Variants in RPGRIP1L observed in about 807,000 individuals in gnomAD.
The protein encoded by RPGRIP1L is RPGRIP1 like.
RPGRIP1L carries 131 observed loss-of-function variants against 160.4 expected under a neutral mutation model. The observed-to-expected ratio is 0.82, with a 90% confidence interval of 0.71 to 0.94. The LOEUF (loss-of-function observed/expected upper bound fraction) is 0.94, where lower values mean the gene tolerates loss of function less well. Ranked by LOEUF, RPGRIP1L falls within the 40% of genes least tolerant of loss-of-function variation. RPGRIP1L has a pLI of 0.00. For synonymous variants in RPGRIP1L, 510 were observed against 515.8 expected (o/e 0.99, Z 0.15); for missense variants, 1,522 against 1,535.8 (o/e 0.99, Z 0.15).
intron 6 of RPGRIP1L, among the ~76,000 whole-genome samples, chr16:53,679,319 ATCT>A (rs1228187518): frequency 2.6e-5 from 4 of 152,292 alleles, no homozygotes; most frequent in Admixed American, 2.0e-4. Flanking sequence ...ATCCTGGCTC[ATCT>A]TCTTATAGGG....
At chr16:53,639,102 T>A (rs1009320129) in intron 19 of RPGRIP1L, among the ~76,000 whole-genome samples, 1 of 152,010 alleles carries the variant, frequency 6.6e-6, no homozygotes, top group South Asian at 2.1e-4. Flanking sequence ...ATCTTTTTAT[T>A]TCATCAAATA....
chr16:53,632,234 C>T (rs983518958), intron 22 of RPGRIP1L, among the ~76,000 whole-genome samples: 2 of 152,166 alleles, frequency 1.3e-5, no homozygotes, highest in Non-Finnish European at 2.9e-5. Flanking sequence ...ATTGCTTACA[C>T]AGTATATCAG....
chr16:53,701,314 C>G (rs1383316317), intron 1 of RPGRIP1L, among the ~76,000 whole-genome samples: 1 of 151,842 alleles, frequency 6.6e-6, no homozygotes, highest in Non-Finnish European at 1.5e-5. Context: ...AAAGAGGTTT[C>G]GTTGCATAAA....
At position 53,602,203 on chromosome 16, in the gene RPGRIP1L, GC is replaced by G; in HGVS notation, c.3836-16del. ...TGCATCAAAAACTAGGGAGAAAAGA[GC>G]AGGAAAGTGTTAATATCATTCAACA... On this transcript the variant is annotated splice_polypyrimidine_tract_variant and intron_variant, in intron 26 of 26. Transcript: ENST00000647211. 1 of 1,545,340 alleles carries G rather than the reference GC, an allele frequency of 6.5e-7. No homozygotes were observed.
chr16:53,695,313 A>G, intron 3 of RPGRIP1L: 1 of 694,566 alleles, frequency 1.4e-6, no homozygotes. Context: ...AACCCAACTC[A>G]AAGTAAAAGG....
intron 14 of RPGRIP1L, chr16:53,653,413 G>T: frequency 2.3e-6 from 2 of 884,126 alleles, no homozygotes; most frequent in Non-Finnish European, 2.7e-6. Flanking sequence ...TCTTCGTGGG[G>T]TGATGGATAA....
chr16:53,650,574 A>C (rs1191763891), intron 15 of RPGRIP1L, among the ~76,000 whole-genome samples: 7 of 152,086 alleles, frequency 4.6e-5, no homozygotes, highest in Non-Finnish European at 1.0e-4. Flanking sequence ...AAAACACCCC[A>C]AACAAACAAA....
rs185398313 is a variant in RPGRIP1L, at chr16:53,697,317, C to A, written c.86-1022G>T. Among the ~76,000 whole-genome samples the A allele has an allele frequency of 6.9e-3, 724 of 104,488 alleles. 6 individuals carry two copies. Among genetic ancestry groups the A allele is most frequent in the Non-Finnish European group, 0.011 (533 of 46,368 alleles). The allele number at this position is 104,488 out of a possible 152,430, so 68.5% of individuals were successfully genotyped here. A position where few individuals can be genotyped will look rare whatever the true frequency, so the allele number is the denominator to read the frequency against. ...ACATATGAAAAGTTTATCAATCTCC[C>A]TCTCCCTCTCCCTCTCCCTCTCCCC... On this transcript the variant is annotated intron_variant, in intron 2 of 26. Transcript: ENST00000647211.
At chr16:53,702,458 A>G (rs1598437348) in intron 1 of RPGRIP1L, among the ~76,000 whole-genome samples, 2 of 152,182 alleles carry the variant, frequency 1.3e-5, no homozygotes, top group Non-Finnish European at 1.5e-5. Flanking sequence ...CAATGCTGCA[A>G]TGCCTCTCCA....
chr16:53,679,734 G>C (rs1288929386), intron 6 of RPGRIP1L, among the ~76,000 whole-genome samples: 1 of 152,208 alleles, frequency 6.6e-6, no homozygotes, highest in African/African-American at 2.4e-5. Flanking sequence ...AGCAGAAGGA[G>C]GGATTGGCAT....
intron 15 of RPGRIP1L, 46 bp downstream of exon 15, chr16:53,652,489 A>G (rs1173763804): frequency 6.8e-7 from 1 of 1,464,600 alleles, no homozygotes. Context: ...CGATATATAA[A>G]CCAAATTAGT....
intron 6 of RPGRIP1L, among the ~76,000 whole-genome samples, chr16:53,676,396 A>G (rs983522824): frequency 6.7e-6 from 1 of 148,208 alleles, no homozygotes; most frequent in Non-Finnish European, 1.5e-5. Flanking sequence ...AAATACATAT[A>G]TATATAATAT....
chr16:53,667,698 C>T (rs999277720), intron 9 of RPGRIP1L, among the ~76,000 whole-genome samples: 2 of 152,038 alleles, frequency 1.3e-5, no homozygotes, highest in African/African-American at 2.4e-5. Flanking sequence ...CATGGGGAAA[C>T]CCCACCTCTA....
chr16:53,648,650 A>ACACACT, intron 16 of RPGRIP1L, among the ~76,000 whole-genome samples: 1 of 152,028 alleles, frequency 6.6e-6, no homozygotes, highest in Non-Finnish European at 1.5e-5. Context: ...ACACACACAC[A>ACACACT]CACACACAAA....
chr16:53,602,840 A>C (rs1471254847), intron 26 of RPGRIP1L, among the ~76,000 whole-genome samples: 4 of 152,156 alleles, frequency 2.6e-5, no homozygotes, highest in African/African-American at 9.7e-5. Context: ...ATGATAATCT[A>C]TACAGTGTTT....
Position 53,670,794 on chromosome 16 carries a change from T to C in RPGRIP1L, c.1103+716A>G, listed in dbSNP as rs112510778. On this transcript the variant is annotated intron_variant, in intron 9 of 26. Transcript: ENST00000647211. ...GGTTCAAACACAAGCTCTATTACTTTATACATTTAAAAGGTATGGGCTGGG... is the reference window on the plus strand; with the variant it reads ...GGTTCAAACACAAGCTCTATTACTTCATACATTTAAAAGGTATGGGCTGGG... Among the ~76,000 whole-genome samples, 22 of 152,268 alleles carry C rather than the reference T, an allele frequency of 1.4e-4. 1 individual carries two copies. Among genetic ancestry groups the C allele is most frequent in the Admixed American group, 5.2e-4 (8 of 15,280 alleles).
At chr16:53,650,735 C>T (rs751758689) in intron 15 of RPGRIP1L, among the ~76,000 whole-genome samples, 2 of 152,042 alleles carry the variant, frequency 1.3e-5, no homozygotes, top group Non-Finnish European at 2.9e-5. Flanking sequence ...AAATAAAATC[C>T]GTCCTGAGAC....
In RPGRIP1L at chr16:53,645,847, C is replaced by T. The variant is rs377377380; in HGVS notation, c.2461G>A (p.Asp821Asn). ...ATAGCTGTATCATGGTCTGCAAAAT[C>T]AAAAAACTTGTACACAACATATGGG... The part of the protein sequence containing the change: ...PHPYVVYKFF[D>N]FADHDTAIIP... The change falls in exon 17 of 27, where the codon GAT (aspartate) becomes AAT (asparagine). Residue 821 changes from aspartate (D) to asparagine (N), a missense_variant. Coordinates refer to ENST00000647211, the MANE Select transcript of RPGRIP1L (RefSeq NM_015272.5). 5.0e-6 allele frequency: 8 copies of T among 1,613,952 alleles called. No homozygotes were observed. In the Admixed American group the frequency reaches 1.3e-4, roughly 27 times the overall value.
chr16:53,671,598 A>C lies in RPGRIP1L; in HGVS notation c.1030-15T>G. The C allele has an allele frequency of 5.9e-6, 8 of 1,350,098 alleles. No individual in the cohort carries two copies. Among genetic ancestry groups the C allele is most frequent in the Non-Finnish European group, 8.4e-6 (8 of 953,112 alleles). 83.6% of individuals were successfully genotyped at this position (1,350,098 alleles called of 1,614,324 possible). A position where few individuals can be genotyped will look rare whatever the true frequency, so the allele number is the denominator to read the frequency against. Reference sequence around the variant, plus strand: ...CTATCCTGCAGCTAAAATGAAAATAAAATTACATATTAAGTAAATATTATA... The same window carrying C: ...CTATCCTGCAGCTAAAATGAAAATACAATTACATATTAAGTAAATATTATA... On this transcript the variant is annotated splice_polypyrimidine_tract_variant and intron_variant, in intron 8 of 26. Transcript: ENST00000647211.
Sources: allele counts gnomAD v4.1 joint callset (sites outside exome capture counted in the v4.1 genomes callset), GRCh38; gene constraint gnomAD v4.1.1; transcripts MANE v1.5; gene names NCBI Gene and HGNC (gene_info 2026-07-23, HGNC 2026-07-21).